The following STN1 variants were observed in gnomAD, a reference collection of about 807,000 sequenced individuals.
STN1 encodes the protein CST complex subunit STN1.
STN1 carries 29 observed loss-of-function variants against 45.5 expected under a neutral mutation model. The observed-to-expected ratio is 0.64, with a 90% confidence interval of 0.47 to 0.87. The LOEUF is 0.87. Ranked by LOEUF, STN1 falls within the 40% of genes least tolerant of loss-of-function variation. The pLI is 0.00. For synonymous variants in STN1, 148 were observed against 159.0 expected, an observed-to-expected ratio of 0.93 and a Z score of 0.52; for missense variants, 376 against 441.4, an observed-to-expected ratio of 0.85 and a Z score of 1.33.
chr10:103,915,795 C>T (rs949375999), intron 2 of STN1, among the ~76,000 whole-genome samples: 3 of 151,982 alleles, frequency 2.0e-5, no homozygotes, highest in Non-Finnish European at 4.4e-5. Flanking sequence ...TTGTAGAAGA[C>T]AATTTTTCCG....
chr10:103,909,532 A>G (rs371240513), intron 3 of STN1, among the ~76,000 whole-genome samples: 2 of 58,510 alleles, frequency 3.4e-5, no homozygotes, highest in Admixed American at 2.0e-4. Context: ...ATATATGTAC[A>G]TATATATGTA....
At chr10:103,914,347 T>C (rs1450427716) in intron 2 of STN1, among the ~76,000 whole-genome samples, 1,271 of 13,402 alleles carry the variant, frequency 0.095, 51 homozygotes, top group Middle Eastern at 0.19. Context: ...TATATATATA[T>C]ATATATATAT....
intron 4 of STN1, among the ~76,000 whole-genome samples, chr10:103,901,950 C>T (rs1330196592): frequency 6.6e-6 from 1 of 152,172 alleles, no homozygotes; most frequent in Non-Finnish European, 1.5e-5. Context: ...TTAAAAAATA[C>T]ATAATTATTC....
rs1208424758 is a variant in STN1, at chr10:103,881,824, G to A, written c.*860C>T. Among the ~76,000 whole-genome samples the A allele has an allele frequency of 1.3e-5, 2 of 152,202 alleles. No homozygotes were observed. On this transcript the variant is annotated 3_prime_UTR_variant, in exon 10 of 10. Coordinates refer to ENST00000224950, the MANE Select transcript of STN1 (RefSeq NM_024928.5). ...CTTTACCTTGTCATTCTGAGCAAAA[G>A]CATGACTCCATCACCTGTCTGGGCA...
rs765462548 is a variant in STN1 at position 103,898,989 on chromosome 10, C to A, written c.469G>T (p.Asp157Tyr). Residue 157 changes from aspartate to tyrosine, a missense_variant, in exon 6 of 10, where the codon GAC (aspartate) becomes TAC (tyrosine). Physicochemically the swap from Asp to Tyr is radical, Grantham distance 160. Coordinates refer to ENST00000224950, the MANE Select transcript of STN1 (RefSeq NM_024928.5). ...GCAATTTGAATGTTCCACACTGGGT[C>A]GTCCACTTTATCTAACAAGTGACCA... ...IHATTYYKVDDPVWNIQIARM... is the reference protein window; with the variant it reads ...IHATTYYKVDYPVWNIQIARM... 1.2e-6 allele frequency: 2 copies of A among 1,613,996 alleles called. No homozygotes were observed. Among genetic ancestry groups the A allele is most frequent in the Admixed American group, 3.3e-5 (2 of 59,998 alleles).
chr10:103,893,179 CT>C (rs879777071), intron 7 of STN1, among the ~76,000 whole-genome samples: 45 of 146,630 alleles, frequency 3.1e-4, no homozygotes, highest in East Asian at 5.9e-4. Flanking sequence ...AGTACAGATC[CT>C]TTTTTTTTTT....
intron 7 of STN1, among the ~76,000 whole-genome samples, chr10:103,893,209 C>T (rs2134361841): frequency 6.6e-6 from 1 of 152,104 alleles, no homozygotes; most frequent in South Asian, 2.1e-4. Context: ...GTCTCTGTCG[C>T]CCAGGCTGGA....
chr10:103,897,116 G>A (rs1570221), intron 7 of STN1, among the ~76,000 whole-genome samples: 45,965 of 152,024 alleles, frequency 0.3, 7,989 homozygotes, highest in East Asian at 0.64. Flanking sequence ...AATAAAGACC[G>A]AGTTGTATTC....
chr10:103,909,394 ATATG>A (rs1313540865), intron 3 of STN1, among the ~76,000 whole-genome samples: 2 of 70,402 alleles, frequency 2.8e-5, no homozygotes, highest in African/African-American at 9.4e-5. Context: ...ATATATGTAT[ATATG>A]TATATATATG....
At chr10:103,893,630 A>T (rs1843154326) in intron 7 of STN1, among the ~76,000 whole-genome samples, 1 of 152,206 alleles carries the variant, frequency 6.6e-6, no homozygotes, top group Non-Finnish European at 1.5e-5. Context: ...AGAGGTGCTG[A>T]AAAAGAGTGG....
chr10:103,886,328 G>C (rs991358756), intron 9 of STN1, among the ~76,000 whole-genome samples: 4 of 152,026 alleles, frequency 2.6e-5, no homozygotes, highest in African/African-American at 9.7e-5. Flanking sequence ...TGCATGCTTA[G>C]CAAATACAAA....
rs947867642 is a variant in STN1, at chr10:103,887,716, T to G, written c.949+1356A>C. Among the ~76,000 whole-genome samples the G allele has an allele frequency of 2.0e-5, 3 of 152,194 alleles. No individual in the cohort carries two copies. In the East Asian group the frequency reaches 5.8e-4, roughly 29 times the overall value. On this transcript the variant is annotated intron_variant, in intron 9 of 9. Coordinates refer to ENST00000224950, the MANE Select transcript of STN1 (RefSeq NM_024928.5). ...TTCACAGACTGAGTGGCAGGGCCTG[T>G]CCACTTGATGAGCTGTGGGTAGATG... is the stretch of plus-strand genomic sequence containing the variant.
chr10:103,882,625 A>G lies in STN1; in HGVS notation c.*59T>C. ...GCCCCTGCATGATGCTGAAAGTCAG[A>G]GCCTGGGGGTGAATGCCACCTTATC... On this transcript the variant is annotated 3_prime_UTR_variant, in exon 10 of 10. Transcript: ENST00000224950. 2 of 1,527,624 alleles carry G rather than the reference A, an allele frequency of 1.3e-6. No homozygotes were observed. Among genetic ancestry groups the G allele is most frequent in the Non-Finnish European group, 1.8e-6 (2 of 1,131,266 alleles). 94.6% of individuals were successfully genotyped at this position (1,527,624 alleles called of 1,614,324 possible).
intron 7 of STN1, among the ~76,000 whole-genome samples, chr10:103,896,540 T>C (rs1453300991): frequency 6.6e-6 from 1 of 152,074 alleles, no homozygotes; most frequent in Non-Finnish European, 1.5e-5. Context: ...AAATAATTCT[T>C]AATTCCAAGC....
intron 2 of STN1, among the ~76,000 whole-genome samples, chr10:103,914,370 A>ATTTTTTT (rs1292355497): frequency 1.0e-4 from 3 of 29,046 alleles, no homozygotes; most frequent in African/African-American, 2.6e-4. Flanking sequence ...ATATATATAT[A>ATTTTTTT]TATATTTTTT....
intron 7 of STN1, among the ~76,000 whole-genome samples, chr10:103,895,302 T>A (rs1411451260): frequency 6.6e-6 from 1 of 152,070 alleles, no homozygotes; most frequent in East Asian, 1.9e-4. Context: ...AATGGAGGAG[T>A]CTTTTAGTCC....
chr10:103,882,135 G>A lies in STN1; in HGVS notation c.*549C>T, dbSNP rs979853459. Among the ~76,000 whole-genome samples, 4 of 152,034 alleles carry A rather than the reference G, an allele frequency of 2.6e-5. No individual in the cohort carries two copies. The highest frequency in any genetic ancestry group is 4.2e-4 in the South Asian group (2 of 4,814). On this transcript the variant is annotated 3_prime_UTR_variant, in exon 10 of 10. Coordinates refer to ENST00000224950, the MANE Select transcript of STN1 (RefSeq NM_024928.5). ...AGGCCTGTAAAGAGCATCGACCCAG[G>A]TCTCAACCCCACTGCTGGTAACTGA... is the stretch of plus-strand genomic sequence containing the variant.
At position 103,905,147 on chromosome 10, in the gene STN1, C is replaced by T; in HGVS notation, c.239G>A (p.Ser80Asn). Residue 80 changes from serine (S) to asparagine (N), a missense_variant, in exon 4 of 10, where the codon AGC becomes AAC. By Grantham distance (46) the Ser-to-Asn change is conservative. Coordinates refer to ENST00000224950, the MANE Select transcript of STN1 (RefSeq NM_024928.5). ...DAFYSYGVDD[S>N]TGVINCICWK... ...GCAGATGCAGTTTATAACTCCAGTG[C>T]TGTCATCCACTGCAAGAGAAAAGCA... 6.2e-7 allele frequency: 1 copy of T among 1,613,910 alleles called. No individual in the cohort carries two copies. Among genetic ancestry groups the T allele is most frequent in the Non-Finnish European group, 8.5e-7 (1 of 1,179,792 alleles).
rs1421871924 is a variant in STN1, at chr10:103,898,748, T to C, written c.581+129A>G. Reference sequence around the variant, plus strand: ...GAAGCATAGAGAGGGTTAGAGGGCTTGCCCAGAGCCCCACAGTGCATAGGT... The same window carrying C: ...GAAGCATAGAGAGGGTTAGAGGGCTCGCCCAGAGCCCCACAGTGCATAGGT... On this transcript the variant is annotated intron_variant, in intron 6 of 9. Coordinates refer to ENST00000224950, the MANE Select transcript of STN1 (RefSeq NM_024928.5). 4 of 1,015,840 alleles carry C rather than the reference T, an allele frequency of 3.9e-6. No homozygotes were observed. The East Asian group carries it at 9.6e-5, about 24-fold the overall frequency. The allele number at this position is 1,015,840 out of a possible 1,614,324, so 62.9% of individuals were successfully genotyped here.
Sources: allele counts gnomAD v4.1 joint callset (sites outside exome capture counted in the v4.1 genomes callset), GRCh38; gene constraint gnomAD v4.1.1; transcripts MANE v1.5; gene names NCBI Gene and HGNC (gene_info 2026-07-23, HGNC 2026-07-21).